Variants in NLRP1 observed in about 807,000 individuals in gnomAD.
NLRP1 encodes NLR family pyrin domain containing 1.
A neutral mutation model predicts 136.7 loss-of-function variants in NLRP1; 94 were observed. The observed-to-expected ratio is 0.69, with a 90% CI of 0.58 to 0.82. The LOEUF (loss-of-function observed/expected upper bound fraction) is 0.82. NLRP1 is among the 40% of genes least tolerant of loss of function. The pLI, the probability that NLRP1 is intolerant of heterozygous loss-of-function variation, is 0.00. For synonymous variants in NLRP1, 690 were observed against 725.1 expected (o/e 0.95, Z 0.78); for missense variants, 1,575 against 1,802.7 (o/e 0.87, Z 2.29).
At chr17:5,540,396 G>A (rs1006348857) in intron 6 of NLRP1, among the ~76,000 whole-genome samples, 9 of 152,190 alleles carry the variant, frequency 5.9e-5, no homozygotes, top group Non-Finnish European at 1.2e-4. Context: ...GGGTTCTCCT[G>A]TCTGGGGATC....
At chr17:5,512,733 G>A (rs963441536), downstream of NLRP1, among the ~76,000 whole-genome samples, 1 of 152,090 alleles carries the variant, frequency 6.6e-6, no homozygotes, top group African/African-American at 2.4e-5. Context: ...ATTTTTGAAC[G>A]AGGGGCCCTG....
Position 5,515,079 on chromosome 17 carries a change from A to G in NLRP1, c.4103-6T>C. 6.2e-7 allele frequency: 1 copy of G among 1,612,756 alleles called. No individual in the cohort carries two copies. The highest frequency in any genetic ancestry group is 8.5e-7 in the Non-Finnish European group (1 of 1,179,234). Reference sequence around the variant, plus strand: ...ATCCAGAGGTGAAGGTACGGCTGGCAACGAACAAAGAAGGGCTCCAACCAC... The same window carrying G: ...ATCCAGAGGTGAAGGTACGGCTGGCGACGAACAAAGAAGGGCTCCAACCAC... On this transcript the variant is annotated splice_polypyrimidine_tract_variant and splice_region_variant and intron_variant, in intron 16 of 16. Transcript: ENST00000572272.
intron 5 of NLRP1, among the ~76,000 whole-genome samples, chr17:5,543,296 G>C (rs9889625): frequency 6.6e-6 from 1 of 152,070 alleles, no homozygotes; most frequent in Non-Finnish European, 1.5e-5. Flanking sequence ...GGGTGGAAAC[G>C]GTGAAACTTA....
Position 5,532,878 on chromosome 17 carries a change from C to T in NLRP1, c.3240G>A (p.Trp1080Ter). Residue 1080 changes from tryptophan to a stop codon, truncating the protein, a stop_gained, in exon 11 of 17, where the codon TGG (tryptophan) becomes TGA (stop). Transcript: ENST00000572272. LOFTEE classifies it high-confidence loss of function. ...CAGTAGCCACAGGCCCCGTGGGGCC[C>T]CAGAAGTCATCGTCAGTCCCCAAAG... is the stretch of plus-strand genomic sequence containing the variant. ...TKPLGTDDDF[W>*]GPTGPVATEV... The T allele has an allele frequency of 6.2e-7, 1 of 1,613,654 alleles. No individual in the cohort carries two copies.
At chr17:5,556,468 C>CAAA (rs35427956) in intron 4 of NLRP1, among the ~76,000 whole-genome samples, 9 of 129,564 alleles carry the variant, frequency 6.9e-5, no homozygotes, top group South Asian at 4.7e-4. Context: ...AACAACAAAC[C>CAAA]AAAAAAAAAA....
intron 8 of NLRP1, among the ~76,000 whole-genome samples, chr17:5,536,468 T>TTTTA (rs1911083489): frequency 7.0e-6 from 1 of 143,710 alleles, no homozygotes; most frequent in African/African-American, 2.6e-5. Context: ...TTTTTTTTTT[T>TTTTA]GAGATGCAGT....
In NLRP1 at chr17:5,576,380, A is replaced by G. The variant is rs534179404; in HGVS notation, c.652+5479T>C. On this transcript the variant is annotated intron_variant, in intron 3 of 16. Transcript: ENST00000572272. ...TCAACAAAATTGATAGACCGCTAGC[A>G]AGACGAATAAAGAAGAAAAGAGAGA... 2.0e-3 allele frequency among the ~76,000 whole-genome samples: 309 copies of G among 152,348 alleles called. 1 individual carries two copies. The highest frequency in any genetic ancestry group is 7.2e-3 in the African/African-American group (300 of 41,586).
At chr17:5,564,673 G>A (rs564216535) in intron 3 of NLRP1, among the ~76,000 whole-genome samples, 1 of 149,938 alleles carries the variant, frequency 6.7e-6, no homozygotes, top group Non-Finnish European at 1.5e-5. Flanking sequence ...GTATCTCTTC[G>A]ATATTCTGAT....
At position 5,514,785 on chromosome 17, in the gene NLRP1, C is replaced by T. The variant is rs771975610; in HGVS notation, c.4391G>A (p.Ser1464Asn). The change falls in exon 17 of 17, where the codon AGC (serine) becomes AAC (asparagine). Residue 1464 changes from serine (S) to asparagine (N), a missense_variant. By Grantham distance (46) the Ser-to-Asn change is conservative (BLOSUM62 1). Transcript: ENST00000572272. ...GCTGAGTGGCAGGAGTCCCTTTTTG[C>T]TGCCCTTCTCCCAGAGTTCCATAAT... The part of the protein sequence containing the change: ...HLIMELWEKG[S>N]KKGLLPLSS The T allele has an allele frequency of 1.2e-6, 2 of 1,614,008 alleles. No individual in the cohort carries two copies. Among genetic ancestry groups the T allele is most frequent in the Non-Finnish European group, 8.5e-7 (1 of 1,179,966 alleles).
At position 5,569,510 on chromosome 17, in the gene NLRP1, A is replaced by G. The variant is rs141974816; in HGVS notation, c.653-9467T>C. Among the ~76,000 whole-genome samples, 261 of 152,290 alleles carry G rather than the reference A, an allele frequency of 1.7e-3. 1 individual carries two copies. Among genetic ancestry groups the G allele is most frequent in the African/African-American group, 5.9e-3 (245 of 41,558 alleles). ...CAAAACAGACTTCAAATCAACATCA[A>G]TCAAAAAAGACAAAGAAAGGCATCA... is the stretch of plus-strand genomic sequence containing the variant. On this transcript the variant is annotated intron_variant, in intron 3 of 16. Transcript: ENST00000572272.
At chr17:5,501,929 G>A in intron 15 of NLRP1, 1 of 1,480,858 alleles carries the variant, frequency 6.8e-7, no homozygotes, top group South Asian at 1.1e-5. Context: ...AGATTGGAGA[G>A]GTCCACTGGC....
At chr17:5,521,127 C>A in intron 13 of NLRP1, 115 bp from the exon 14 acceptor site, 1 of 1,031,700 alleles carries the variant, frequency 9.7e-7, no homozygotes, top group East Asian at 2.5e-5. Flanking sequence ...CTATATCACC[C>A]CTGCCTCCCT....
chr17:5,561,820 G>A (rs1914791143), intron 3 of NLRP1, among the ~76,000 whole-genome samples: 1 of 152,234 alleles, frequency 6.6e-6, no homozygotes, highest in South Asian at 2.1e-4. Context: ...GGACAGCAGA[G>A]GGGGTGACTC....
rs1167732917 is a variant in NLRP1, at chr17:5,541,805, C to T, written c.2699+52G>A. The T allele has an allele frequency of 4.4e-6, 7 of 1,585,518 alleles. No homozygotes were observed. The highest frequency in any genetic ancestry group is 6.0e-6 in the Non-Finnish European group (7 of 1,157,666). On this transcript the variant is annotated intron_variant, in intron 6 of 16. Coordinates refer to ENST00000572272, the MANE Select transcript of NLRP1 (RefSeq NM_033004.4). The surrounding 1 kb of genome is among the most constrained non-coding windows in gnomAD (Gnocchi z 4.2). ...CTCTGCTCTTACCCTCTGCCTGCCT[C>T]ATGGTGGCAGGCAGTTCCCTCCACC... is the stretch of plus-strand genomic sequence containing the variant.
In NLRP1 at chr17:5,559,203, C is replaced by A; in HGVS notation, c.1493G>T (p.Arg498Met). 2 of 1,614,210 alleles carry A rather than the reference C, an allele frequency of 1.2e-6. No individual in the cohort carries two copies. Among genetic ancestry groups the A allele is most frequent in the East Asian group, 4.5e-5 (2 of 44,872 alleles). The change falls in exon 4 of 17, where the codon AGG becomes ATG. Residue 498 changes from arginine to methionine, a missense_variant. Physicochemically the swap from Arg to Met is moderately conservative, Grantham distance 91. Transcript: ENST00000572272. ...EYFYRYFTDE[R>M]QAIRAFRLVK... ...CAACCTAAAGGCTCTAATTGCTTGC[C>A]TTTCATCTGTGAAATATCTGTAGAA...
In NLRP1 at chr17:5,533,023, G is replaced by A. The variant is rs117932123; in HGVS notation, c.3134-39C>T. On this transcript the variant is annotated intron_variant, in intron 10 of 16. Transcript: ENST00000572272. Reference sequence around the variant, plus strand: ...GCAGCGGTCAGCTCCAGATTCTCCCGCCTGGCCTCCCCTAGCCCCTATGGC... The same window carrying A: ...GCAGCGGTCAGCTCCAGATTCTCCCACCTGGCCTCCCCTAGCCCCTATGGC... 22,761 of 1,579,274 alleles carry A rather than the reference G, an allele frequency of 0.014. 1,633 individuals are homozygous for A. In the South Asian group the frequency reaches 0.16, roughly 11 times the overall value.
intron 3 of NLRP1, among the ~76,000 whole-genome samples, chr17:5,566,953 A>T (rs775823348): frequency 1.3e-5 from 2 of 151,974 alleles, no homozygotes; most frequent in Non-Finnish European, 2.9e-5. Flanking sequence ...TTTGTTTTGA[A>T]ATCTATTTTG....
rs1914494396 is a variant in NLRP1, at chr17:5,559,559, A to T, written c.1137T>A (p.Ser379Arg). 1 of 1,614,148 alleles carries T rather than the reference A, an allele frequency of 6.2e-7. No individual in the cohort carries two copies. Among genetic ancestry groups the T allele is most frequent in the Non-Finnish European group, 8.5e-7 (1 of 1,180,034 alleles). Residue 379 changes from serine to arginine, a missense_variant, in exon 4 of 17, where the codon AGT (serine) becomes AGA (arginine). Physicochemically the swap from Ser to Arg is moderately radical, Grantham distance 110. Transcript: ENST00000572272. Reference protein sequence around the residue: ...CRELAQSKVVSLAELIGKDGT... With the variant: ...CRELAQSKVVRLAELIGKDGT... ...CATCTTTTCCGATGAGCTCAGCGAG[A>T]CTCACCACCTTGGACTGGGCCAGCT...
chr17:5,541,835 C>T lies in NLRP1; in HGVS notation c.2699+22G>A, dbSNP rs745934956. On this transcript the variant is annotated intron_variant, in intron 6 of 16. Transcript: ENST00000572272. This position sits in a 1 kb window ranked among gnomAD's most constrained non-coding sequence, Gnocchi z 4.2. ...TGGCAGGCAGTTCCCTCCACCTCCCCCTGCCCACCAAGAACAATTACTGCA... is the reference window on the plus strand; with the variant it reads ...TGGCAGGCAGTTCCCTCCACCTCCCTCTGCCCACCAAGAACAATTACTGCA... 9 of 1,612,232 alleles carry T rather than the reference C, an allele frequency of 5.6e-6. No individual in the cohort carries two copies. In the Admixed American group the frequency reaches 8.3e-5, roughly 15 times the overall value.
Sources: gnomAD v4.1 joint callset for allele counts (sites outside exome capture counted in the v4.1 genomes callset) on GRCh38, gnomAD v4.1.1 for gene constraint, Gnocchi (gnomAD v3.1) non-coding constraint, MANE v1.5 for transcripts, NCBI Gene and HGNC (gene_info 2026-07-23, HGNC 2026-07-21) for gene names.